Variants in GPM6A observed in about 807,000 individuals in gnomAD.
The protein encoded by GPM6A is neuronal membrane glycoprotein M6-a.
Under a neutral mutation model 32.1 loss-of-function variants are expected in GPM6A, and 7 were observed. That is an observed-to-expected ratio of 0.22 (90% CI 0.12 to 0.41). The LOEUF is 0.41. Ranked by LOEUF, GPM6A falls within the 10% of genes least tolerant of loss-of-function variation. GPM6A has a pLI of 1.00. For missense variants in GPM6A, 235 were observed against 347.2 expected, an observed-to-expected ratio of 0.68 and a Z score of 2.57; for synonymous variants, 130 against 123.4, an observed-to-expected ratio of 1.05 and a Z score of -0.35.
intron 1 of GPM6A, among the ~76,000 whole-genome samples, chr4:175,882,784 G>C (rs1737322875): frequency 6.6e-6 from 1 of 152,022 alleles, no homozygotes; most frequent in African/African-American, 2.4e-5. Context: ...AAGGTGATAA[G>C]GGGTGTGTGG....
At chr4:175,917,910 T>C (rs918999622) in intron 1 of GPM6A, among the ~76,000 whole-genome samples, 1 of 152,160 alleles carries the variant, frequency 6.6e-6, no homozygotes, top group African/African-American at 2.4e-5. Flanking sequence ...TTTAAATAAC[T>C]GAATCCTTCT....
chr4:175,920,927 A>C (rs1256138638), intron 1 of GPM6A, among the ~76,000 whole-genome samples: 1 of 152,188 alleles, frequency 6.6e-6, no homozygotes, highest in African/African-American at 2.4e-5. Context: ...TGTGTGATCA[A>C]TTATAAATAT....
intron 1 of GPM6A, among the ~76,000 whole-genome samples, chr4:175,849,140 C>T (rs1736175889): frequency 6.6e-6 from 1 of 152,082 alleles, no homozygotes; most frequent in African/African-American, 2.4e-5. Context: ...GGTATGTTTC[C>T]TATCCAAAGG....
chr4:175,744,321 A>C (rs1732008711), intron 1 of GPM6A, among the ~76,000 whole-genome samples: 1 of 152,092 alleles, frequency 6.6e-6, no homozygotes, highest in African/African-American at 2.4e-5. Context: ...AATAATAAAA[A>C]GAGGGTATAG....
chr4:175,818,161 A>G (rs1560949760), intron 1 of GPM6A, among the ~76,000 whole-genome samples: 1 of 152,192 alleles, frequency 6.6e-6, no homozygotes, highest in Non-Finnish European at 1.5e-5. Flanking sequence ...AAGATTGGAC[A>G]TGACCTGGCA....
intron 1 of GPM6A, among the ~76,000 whole-genome samples, chr4:175,976,461 C>T (rs1241714388): frequency 2.0e-5 from 3 of 151,830 alleles, no homozygotes; most frequent in East Asian, 1.9e-4. Flanking sequence ...CCACCACGCC[C>T]AGCCAATATG....
chr4:175,722,129 G>T (rs1746169028), intron 1 of GPM6A, among the ~76,000 whole-genome samples: 1 of 152,024 alleles, frequency 6.6e-6, no homozygotes, highest in South Asian at 2.1e-4. Flanking sequence ...TTTACAAAAA[G>T]TACAAAAATT....
rs144946688 is a variant in GPM6A at position 175,755,118 on chromosome 4, T to C, written c.38-53351A>G. ...AATAAAACATTTAACCTTTCTTAAT[T>C]CAAACACTTTCACACTTGTATCATA... On this transcript the variant is annotated intron_variant, in intron 1 of 6. Coordinates refer to ENST00000393658, the MANE Select transcript of GPM6A (RefSeq NM_201591.3). Among the ~76,000 whole-genome samples the C allele has an allele frequency of 4.1e-3, 622 of 152,276 alleles. 3 individuals are homozygous for C. The highest frequency in any genetic ancestry group is 0.014 in the African/African-American group (584 of 41,584).
At chr4:175,671,714 C>T (rs927927827) in intron 3 of GPM6A, among the ~76,000 whole-genome samples, 7 of 152,074 alleles carry the variant, frequency 4.6e-5, no homozygotes, top group African/African-American at 7.2e-5. Context: ...GGAGCTAGCC[C>T]CCTTCGTGAA....
intron 3 of GPM6A, among the ~76,000 whole-genome samples, chr4:175,671,928 G>T (rs116256374): frequency 0.12 from 18,429 of 151,094 alleles, 1,552 homozygotes; most frequent in Non-Finnish European, 0.19. Context: ...CGCAGCAGCT[G>T]CTGCCACCCT....
chr4:175,863,786 G>A (rs925981277), intron 1 of GPM6A, among the ~76,000 whole-genome samples: 9 of 152,182 alleles, frequency 5.9e-5, no homozygotes, highest in Non-Finnish European at 1.0e-4. Context: ...AGGACTCTTC[G>A]AGCCCAAGAG....
chr4:175,933,544 C>T (rs1034234062), intron 1 of GPM6A, among the ~76,000 whole-genome samples: 2 of 151,450 alleles, frequency 1.3e-5, no homozygotes, highest in African/African-American at 4.9e-5. Context: ...AAGACTTACA[C>T]GTAATGTTCT....
chr4:175,749,391 G>T (rs1333939663), intron 1 of GPM6A, among the ~76,000 whole-genome samples: 1 of 152,102 alleles, frequency 6.6e-6, no homozygotes, highest in Non-Finnish European at 1.5e-5. Context: ...TGGAAAAATG[G>T]TGTTAACAGA....
At chr4:175,736,861 C>G (rs536372318) in intron 1 of GPM6A, among the ~76,000 whole-genome samples, 1 of 152,272 alleles carries the variant, frequency 6.6e-6, no homozygotes. Flanking sequence ...AAATTTCTAT[C>G]ACGTAATGAC....
At chr4:175,723,686 G>A (rs1746259178) in intron 1 of GPM6A, among the ~76,000 whole-genome samples, 1 of 152,010 alleles carries the variant, frequency 6.6e-6, no homozygotes, top group African/African-American at 2.4e-5. Context: ...TGTTGCATTT[G>A]AAAATTAAGA....
chr4:175,735,140 T>C (rs1731606090), intron 1 of GPM6A, among the ~76,000 whole-genome samples: 1 of 152,186 alleles, frequency 6.6e-6, no homozygotes, highest in Admixed American at 6.5e-5. Context: ...AGGCCTAAAT[T>C]AGATCTGTGA....
chr4:175,939,827 G>T (rs73871291), intron 1 of GPM6A, among the ~76,000 whole-genome samples: 8,342 of 151,814 alleles, frequency 0.055, 707 homozygotes, highest in African/African-American at 0.19. Context: ...TTTTTATTTT[G>T]CATTTATCTG....
At chr4:175,657,981 A>G (rs993872316) in intron 3 of GPM6A, among the ~76,000 whole-genome samples, 24 of 152,220 alleles carry the variant, frequency 1.6e-4, no homozygotes, top group Admixed American at 1.1e-3. Flanking sequence ...AGCTTAATGC[A>G]GAGAAAATTA....
chr4:175,967,131 A>C (rs1365426602), intron 1 of GPM6A, among the ~76,000 whole-genome samples: 3 of 152,220 alleles, frequency 2.0e-5, no homozygotes, highest in Non-Finnish European at 4.4e-5. Flanking sequence ...TAGTGTATGA[A>C]AATCTAGTTA....
Sources: gnomAD v4.1 joint callset for allele counts (sites outside exome capture counted in the v4.1 genomes callset) on GRCh38, gnomAD v4.1.1 for gene constraint, MANE v1.5 for transcripts, NCBI Gene and HGNC (gene_info 2026-07-23, HGNC 2026-07-21) for gene names.